AARS2: variants seen among roughly 807,000 people sequenced by gnomAD.
AARS2 encodes alanine--tRNA ligase, mitochondrial.
In AARS2, 78 loss-of-function variants were observed where a neutral mutation model predicts 119.7. The observed-to-expected ratio is 0.65, with a 90% CI of 0.54 to 0.79. AARS2 has a LOEUF of 0.79. Among genes scored for constraint, AARS2 ranks in the 30% least tolerant of loss-of-function variants. The pLI is 0.00. For synonymous variants in AARS2, 502 were observed against 526.3 expected, an observed-to-expected ratio of 0.95 and a Z score of 0.63; for missense variants, 1,157 against 1,291.3, an observed-to-expected ratio of 0.90 and a Z score of 1.59.
At chr6:44,308,156 C>T (rs900181533) in intron 5 of AARS2, among the ~76,000 whole-genome samples, 5 of 152,132 alleles carry the variant, frequency 3.3e-5, no homozygotes, top group African/African-American at 7.2e-5. Context: ...TTGCCTGGAC[C>T]GATAATAGCC....
rs1785972228 is a variant in AARS2, at chr6:44,307,546, T to G, written c.895-152A>C. The G allele has an allele frequency of 3.0e-6, 3 of 991,100 alleles. No homozygotes were observed. The East Asian group carries it at 7.9e-5, about 26-fold the overall frequency. 61.4% of individuals were successfully genotyped at this position (991,100 alleles called of 1,614,324 possible). A position where few individuals can be genotyped will look rare whatever the true frequency, so the allele number is the denominator to read the frequency against. On this transcript the variant is annotated intron_variant, in intron 5 of 21. Coordinates refer to ENST00000244571, the MANE Select transcript of AARS2 (RefSeq NM_020745.4). This position sits in a 1 kb window ranked among gnomAD's most constrained non-coding sequence, Gnocchi z 4.4. ...GTCCTGGGCTGAGAAGCCTCACAGATGAGCACAAGCCAGGCCCTGCCCTCA... is the reference window on the plus strand; with the variant it reads ...GTCCTGGGCTGAGAAGCCTCACAGAGGAGCACAAGCCAGGCCCTGCCCTCA...
At position 44,304,595 on chromosome 6, in the gene AARS2, C is replaced by T. The variant is rs771699586; in HGVS notation, c.1752+50G>A. Reference sequence around the variant, plus strand: ...TCCCTCCCCTTGGCTCCCACTCAGGCTTGGGTCTGCCGCCCACAGAAATCA... The same window carrying T: ...TCCCTCCCCTTGGCTCCCACTCAGGTTTGGGTCTGCCGCCCACAGAAATCA... On this transcript the variant is annotated intron_variant, in intron 12 of 21. Transcript: ENST00000244571. 6 of 1,614,078 alleles carry T rather than the reference C, an allele frequency of 3.7e-6. No individual in the cohort carries two copies. The African/African-American group carries it at 5.3e-5, about 14-fold the overall frequency.
In AARS2 at chr6:44,305,535, G is replaced by C; in HGVS notation, c.1434+118C>G. 2.6e-6 allele frequency: 4 copies of C among 1,512,980 alleles called. No individual in the cohort carries two copies. Among genetic ancestry groups the C allele is most frequent in the Non-Finnish European group, 3.6e-6 (4 of 1,097,974 alleles). The allele number at this position is 1,512,980 out of a possible 1,614,324, so 93.7% of individuals were successfully genotyped here. ...GTTTTAGAAACCTCCCAGGTGAGGGGACAGATCCTATCTCAGCCTCTTGAT... is the reference window on the plus strand; with the variant it reads ...GTTTTAGAAACCTCCCAGGTGAGGGCACAGATCCTATCTCAGCCTCTTGAT... On this transcript the variant is annotated intron_variant, in intron 10 of 21. Transcript: ENST00000244571. The surrounding 1 kb of genome is among the most constrained non-coding windows in gnomAD (Gnocchi z 4.6).
rs1257509097 is a variant in AARS2 at position 44,300,622 on chromosome 6, G to A, written c.2883C>T (p.Ala961=). ...GGTCAGTAGTGCTTCCGGTGCCTTG[G>A]GCCACCACTCGTGAGCCCCACGCCT... is the stretch of plus-strand genomic sequence containing the variant. The part of the protein sequence containing the change: ...GGKAWGSRVV[A]QGTGSTTDLE... Residue 961 remains alanine, a synonymous_variant, in exon 22 of 22, where the codon GCC becomes GCT. Transcript: ENST00000244571. 1.9e-6 allele frequency: 3 copies of A among 1,614,002 alleles called. No individual in the cohort carries two copies.
intron 14 of AARS2, among the ~76,000 whole-genome samples, chr6:44,303,972 C>A (rs907013733): frequency 2.0e-5 from 3 of 152,170 alleles, no homozygotes; most frequent in Non-Finnish European, 2.9e-5. Context: ...CACATCAGAG[C>A]TGGGCGAGGC....
rs1469065207 is a variant in AARS2, at chr6:44,304,773, C to A, written c.1624G>T (p.Asp542Tyr). ...CCCACGGAGGCCACTGCTGTCCCGTCCTCTGTATACAGTTGCAACACCTGG... is the reference window on the plus strand; with the variant it reads ...CCCACGGAGGCCACTGCTGTCCCGTACTCTGTATACAGTTGCAACACCTGG... ...EAQVLQLYTEDGTAVASVGKG... is the reference protein window; with the variant it reads ...EAQVLQLYTEYGTAVASVGKG... Residue 542 changes from aspartate (D) to tyrosine (Y), a missense_variant, in exon 12 of 22, where the codon GAC becomes TAC. Physicochemically the swap from Asp to Tyr is radical, Grantham distance 160 (BLOSUM62 -3). Transcript: ENST00000244571. The A allele has an allele frequency of 6.1e-5, 99 of 1,614,088 alleles. No individual in the cohort carries two copies. Among genetic ancestry groups the A allele is most frequent in the Non-Finnish European group, 8.2e-5 (97 of 1,180,040 alleles).
chr6:44,307,210 C>G lies in AARS2; in HGVS notation c.1040+39G>C. The stretch of plus-strand genomic sequence containing the variant: ...CCCTCCCTCCTCCACCTGAGACCCC[C>G]AGCAGCCCCTGTCCTCTCTGTAGCC... On this transcript the variant is annotated intron_variant, in intron 6 of 21. Coordinates refer to ENST00000244571, the MANE Select transcript of AARS2 (RefSeq NM_020745.4). The surrounding 1 kb of genome is among the most constrained non-coding windows in gnomAD (Gnocchi z 4.4). The G allele has an allele frequency of 6.2e-7, 1 of 1,613,612 alleles. No homozygotes were observed. The highest frequency in any genetic ancestry group is 8.5e-7 in the Non-Finnish European group (1 of 1,179,850).
At position 44,307,531 on chromosome 6, in the gene AARS2, G is replaced by A; in HGVS notation, c.895-137C>T. On this transcript the variant is annotated intron_variant, in intron 5 of 21. Transcript: ENST00000244571. This position sits in a 1 kb window ranked among gnomAD's most constrained non-coding sequence, Gnocchi z 4.4. ...GGCCTTGCCAGTCCAGTCCTGGGCT[G>A]AGAAGCCTCACAGATGAGCACAAGC... 1 of 1,170,280 alleles carries A rather than the reference G, an allele frequency of 8.5e-7. No individual in the cohort carries two copies. The highest frequency in any genetic ancestry group is 1.2e-6 in the Non-Finnish European group (1 of 825,784). The allele number at this position is 1,170,280 out of a possible 1,614,324, so 72.5% of individuals were successfully genotyped here. A position where few individuals can be genotyped will look rare whatever the true frequency, so the allele number is the denominator to read the frequency against.
intron 4 of AARS2, among the ~76,000 whole-genome samples, 171 bp from the exon 5 acceptor site, chr6:44,310,614 G>A (rs1275300235): frequency 1.3e-5 from 2 of 152,236 alleles, no homozygotes; most frequent in Non-Finnish European, 2.9e-5. Context: ...TGATGGCCTT[G>A]GGGTCCTGTC....
chr6:44,301,579 A>G (rs1785362573), intron 19 of AARS2, 115 bp from the exon 20 acceptor site: 1 of 1,015,414 alleles, frequency 9.8e-7, no homozygotes, highest in Non-Finnish European at 1.5e-6. Flanking sequence ...CACCCACCCC[A>G]AAAGTCATTA....
Position 44,305,604 on chromosome 6 carries a change from G to A in AARS2, c.1434+49C>T. 1.2e-6 allele frequency: 2 copies of A among 1,612,244 alleles called. No homozygotes were observed. Among genetic ancestry groups the A allele is most frequent in the Non-Finnish European group, 1.7e-6 (2 of 1,179,734 alleles). On this transcript the variant is annotated intron_variant, in intron 10 of 21. Coordinates refer to ENST00000244571, the MANE Select transcript of AARS2 (RefSeq NM_020745.4). This position sits in a 1 kb window ranked among gnomAD's most constrained non-coding sequence, Gnocchi z 4.6. ...CTCCTCCCCCAGGAGCTCAGGGCTG[G>A]GGAAGAGGTGTCCTAACAGAACCCA...
At chr6:44,306,622 C>T in intron 7 of AARS2, 90 bp from the exon 8 acceptor site, 2 of 1,463,350 alleles carry the variant, frequency 1.4e-6, no homozygotes, top group Non-Finnish European at 1.9e-6. Context: ...GACACCTGCC[C>T]TGGAGGCTCA....
chr6:44,306,549 G>A lies in AARS2; in HGVS notation c.1150-17C>T. The A allele has an allele frequency of 1.2e-6, 2 of 1,614,110 alleles. No individual in the cohort carries two copies. The highest frequency in any genetic ancestry group is 1.7e-6 in the Non-Finnish European group (2 of 1,180,004). ...AGCATCTCCCTGGGGGAGGTGGAGA[G>A]GGCTGAGGAGGTGTGAAAGGCAACC... On this transcript the variant is annotated splice_polypyrimidine_tract_variant and intron_variant, in intron 7 of 21. Coordinates refer to ENST00000244571, the MANE Select transcript of AARS2 (RefSeq NM_020745.4).
rs373740716 is a variant in AARS2, at chr6:44,307,067, C to A, written c.1041-36G>T. On this transcript the variant is annotated intron_variant, in intron 6 of 21. Coordinates refer to ENST00000244571, the MANE Select transcript of AARS2 (RefSeq NM_020745.4). This position sits in a 1 kb window ranked among gnomAD's most constrained non-coding sequence, Gnocchi z 4.4. ...TCAGAGCCCAGACATGAATCCCCAG[C>A]GGCTCATGGTCAGCAATATGGGGAG... 3 of 1,607,020 alleles carry A rather than the reference C, an allele frequency of 1.9e-6. No individual in the cohort carries two copies. The highest frequency in any genetic ancestry group is 1.3e-5 in the African/African-American group (1 of 74,764).
intron 14 of AARS2, 63 bp from the exon 15 acceptor site, chr6:44,303,486 G>A (rs1583052007): frequency 6.2e-7 from 1 of 1,610,384 alleles, no homozygotes; most frequent in Non-Finnish European, 8.5e-7. Flanking sequence ...TCTAACTGAT[G>A]CATTGAAACA....
At position 44,304,284 on chromosome 6, in the gene AARS2, G is replaced by T. The variant is rs759216136; in HGVS notation, c.1904C>A (p.Thr635Asn). 6.2e-7 allele frequency: 1 copy of T among 1,614,228 alleles called. No individual in the cohort carries two copies. The highest frequency in any genetic ancestry group is 8.5e-7 in the Non-Finnish European group (1 of 1,180,036). The change falls in exon 14 of 22, where the codon ACC (threonine) becomes AAC (asparagine). Residue 635 changes from threonine (T) to asparagine (N), a missense_variant. Coordinates refer to ENST00000244571, the MANE Select transcript of AARS2 (RefSeq NM_020745.4). Reference sequence around the variant, plus strand: ...CCTCAGTGCCCAGTTCAGCAGGTGGGTGGCCGTATGCTTCGCCATGCAGCC... The same window carrying T: ...CCTCAGTGCCCAGTTCAGCAGGTGGTTGGCCGTATGCTTCGCCATGCAGCC... ...RLGCMAKHTA[T>N]HLLNWALRQT...
At chr6:44,312,903 C>T (rs1049577363) in intron 1 of AARS2, among the ~76,000 whole-genome samples, 178 bp downstream of exon 1, 2 of 152,160 alleles carry the variant, frequency 1.3e-5, no homozygotes, top group South Asian at 2.1e-4. Context: ...TCAAGCCCTC[C>T]CCAAGCCCTC....
At chr6:44,303,569 T>A (rs1785554854) in intron 14 of AARS2, 146 bp from the exon 15 acceptor site, 7 of 1,252,074 alleles carry the variant, frequency 5.6e-6, no homozygotes, top group African/African-American at 1.5e-5. Flanking sequence ...CAATAAACAC[T>A]ACCTGAGCAG....
chr6:44,303,528 CTAG>C, intron 14 of AARS2, 105 bp from the exon 15 acceptor site: 1 of 1,550,946 alleles, frequency 6.4e-7, no homozygotes, highest in Non-Finnish European at 8.9e-7. Flanking sequence ...TCCCCAGGTT[CTAG>C]AATAGTGGCT....
Sources: gnomAD v4.1 joint callset for allele counts (sites outside exome capture counted in the v4.1 genomes callset) on GRCh38, gnomAD v4.1.1 for gene constraint, Gnocchi (gnomAD v3.1) non-coding constraint, MANE v1.5 for transcripts, NCBI Gene and HGNC (gene_info 2026-07-23, HGNC 2026-07-21) for gene names.